Variants in MYT1L observed in about 807,000 individuals in gnomAD.
The protein encoded by MYT1L is myelin transcription factor 1-like protein.
MYT1L carries 12 observed loss-of-function variants against 126.7 expected under a neutral mutation model. The observed-to-expected ratio is 0.09, with a 90% CI of 0.06 to 0.15. The LOEUF (loss-of-function observed/expected upper bound fraction) is 0.15. Among genes scored for constraint, MYT1L ranks in the 10% least tolerant of loss-of-function variants. The pLI, the probability that MYT1L is intolerant of heterozygous loss-of-function variation, is 1.00. For missense variants in MYT1L, 979 were observed against 1,585.2 expected, an observed-to-expected ratio of 0.62 and a Z score of 6.49; for synonymous variants, 541 against 604.2, an observed-to-expected ratio of 0.90 and a Z score of 1.53.
At chr2:2,112,307 G>T (rs2079562563) in intron 3 of MYT1L, among the ~76,000 whole-genome samples, 3 of 152,220 alleles carry the variant, frequency 2.0e-5, no homozygotes, top group South Asian at 2.1e-4. Flanking sequence ...ACAAAACCAA[G>T]AAATAGTTTT....
At chr2:2,293,346 A>G (rs1176957521) in intron 1 of MYT1L, among the ~76,000 whole-genome samples, 2 of 152,230 alleles carry the variant, frequency 1.3e-5, no homozygotes, top group Admixed American at 6.5e-5. Flanking sequence ...AGGGCTTCAG[A>G]GCTCCGTCCC....
At chr2:1,999,291 G>T (rs1274369042) in intron 4 of MYT1L, among the ~76,000 whole-genome samples, 1 of 152,076 alleles carries the variant, frequency 6.6e-6, no homozygotes, top group Non-Finnish European at 1.5e-5. Context: ...GAAAATTCTG[G>T]CTCCCTACAT....
chr2:2,119,559 G>T (rs912647671), intron 3 of MYT1L, among the ~76,000 whole-genome samples: 4 of 152,152 alleles, frequency 2.6e-5, no homozygotes, highest in Non-Finnish European at 4.4e-5. Context: ...TTTTCCGTAA[G>T]AAAAAATTCA....
intron 22 of MYT1L, among the ~76,000 whole-genome samples, chr2:1,804,914 A>C (rs2035453981): frequency 6.6e-6 from 1 of 152,210 alleles, no homozygotes; most frequent in Admixed American, 6.5e-5. Context: ...GGAAAGAAAA[A>C]GCATTATCTT....
intron 3 of MYT1L, among the ~76,000 whole-genome samples, chr2:2,162,653 A>C (rs906830378): frequency 3.3e-5 from 5 of 152,208 alleles, no homozygotes; most frequent in African/African-American, 1.2e-4. Context: ...AATTTCTGGA[A>C]GACTCAGATT....
chr2:2,003,163 C>G (rs139519601), intron 4 of MYT1L, among the ~76,000 whole-genome samples: 7 of 152,152 alleles, frequency 4.6e-5, no homozygotes, highest in Non-Finnish European at 1.5e-5. Context: ...CCATTTCCCA[C>G]TTAGACTTGC....
chr2:2,234,761 C>T (rs1458990534), intron 2 of MYT1L, among the ~76,000 whole-genome samples: 3 of 152,236 alleles, frequency 2.0e-5, no homozygotes. Context: ...TGAAGTTCTA[C>T]TCACTGAGCT....
chr2:1,848,693 G>T lies in MYT1L; in HGVS notation c.2774+2948C>A, dbSNP rs1558746820. Among the ~76,000 whole-genome samples, 1 of 152,084 alleles carries T rather than the reference G, an allele frequency of 6.6e-6. No individual in the cohort carries two copies. The highest frequency in any genetic ancestry group is 1.5e-5 in the Non-Finnish European group (1 of 68,020). ...CAGACCTTTAAGAGTTTCCTTGTTT[G>T]CTTGTTGGCTTCTGTCTGTCTGCAG... On this transcript the variant is annotated intron_variant, in intron 19 of 24. Coordinates refer to ENST00000647738, the MANE Select transcript of MYT1L (RefSeq NM_001303052.2). This position sits in a 1 kb window ranked among gnomAD's most constrained non-coding sequence, Gnocchi z 4.8.
chr2:2,045,380 G>T (rs1431286968), intron 4 of MYT1L, among the ~76,000 whole-genome samples: 2 of 152,232 alleles, frequency 1.3e-5, no homozygotes, highest in Non-Finnish European at 2.9e-5. Context: ...CAGCAGGCCT[G>T]GTGGGAGAGG....
intron 23 of MYT1L, 64 bp from the exon 24 acceptor site, chr2:1,792,528 C>CG: frequency 6.5e-7 from 1 of 1,539,070 alleles, no homozygotes; most frequent in Non-Finnish European, 8.8e-7. Context: ...TGGTCGTTGC[C>CG]GGGGGCCACA....
rs1462038491 is a variant in MYT1L at position 1,801,946 on chromosome 2, C to T, written c.3173-147G>A. On this transcript the variant is annotated intron_variant, in intron 22 of 24. Transcript: ENST00000647738. This position sits in a 1 kb window ranked among gnomAD's most constrained non-coding sequence, Gnocchi z 4.2. ...TGAATTAGAAAGGAAAAAATCATCACAATCTCTGTGTCTTTCTATTCCCTA... is the reference window on the plus strand; with the variant it reads ...TGAATTAGAAAGGAAAAAATCATCATAATCTCTGTGTCTTTCTATTCCCTA... 6.8e-6 allele frequency: 4 copies of T among 588,416 alleles called. No homozygotes were observed. In the East Asian group the frequency reaches 1.2e-4, roughly 17 times the overall value. 36.4% of individuals were successfully genotyped at this position (588,416 alleles called of 1,614,324 possible).
chr2:2,246,345 T>A (rs995657367), intron 2 of MYT1L, among the ~76,000 whole-genome samples: 1 of 152,208 alleles, frequency 6.6e-6, no homozygotes, highest in Non-Finnish European at 1.5e-5. Context: ...TGCATATTTA[T>A]GCTTCAGACT....
intron 1 of MYT1L, among the ~76,000 whole-genome samples, chr2:2,292,937 T>A (rs1337253508): frequency 6.6e-6 from 1 of 152,170 alleles, no homozygotes; most frequent in Non-Finnish European, 1.5e-5. Flanking sequence ...CAAGGCACGC[T>A]CTTTTCCCTG....
At chr2:1,957,773 G>T (rs2149364599) in intron 8 of MYT1L, among the ~76,000 whole-genome samples, 1 of 150,556 alleles carries the variant, frequency 6.6e-6, no homozygotes. Flanking sequence ...ATTTCTCTCT[G>T]CTGATTCCTC....
rs557323643 is a variant in MYT1L, at chr2:2,141,242, G to A, written c.-304+31630C>T. ...TAATCATAAAAATACATGGTTGTGT[G>A]TAAATGGGATCCCACAGGTAAACCC... On this transcript the variant is annotated intron_variant, in intron 3 of 24. Coordinates refer to ENST00000647738, the MANE Select transcript of MYT1L (RefSeq NM_001303052.2). 2.6e-5 allele frequency among the ~76,000 whole-genome samples: 4 copies of A among 152,278 alleles called. No homozygotes were observed. In the South Asian group the frequency reaches 8.3e-4, roughly 32 times the overall value.
chr2:2,235,721 G>T (rs1316889819), intron 2 of MYT1L, among the ~76,000 whole-genome samples: 1 of 152,116 alleles, frequency 6.6e-6, no homozygotes, highest in East Asian at 1.9e-4. Context: ...TCACTGCCTT[G>T]GTCATGTACT....
intron 19 of MYT1L, 100 bp from the exon 20 acceptor site, chr2:1,840,943 A>G (rs1316177566): frequency 5.9e-5 from 47 of 790,830 alleles, no homozygotes; most frequent in Admixed American, 2.7e-4. Flanking sequence ...TCACTCTGTC[A>G]CCCAGGCTGA....
rs575557610 is a variant in MYT1L at position 2,163,605 on chromosome 2, G to A, written c.-304+9267C>T. On this transcript the variant is annotated intron_variant, in intron 3 of 24. Transcript: ENST00000647738. ...AAATTAGCGGGGTGCGGTGGCGGGC[G>A]CCTGTAGTCCCAGCTACTCGGGAGG... 3.2e-4 allele frequency among the ~76,000 whole-genome samples: 48 copies of A among 151,666 alleles called. 3 individuals are homozygous for A. The South Asian group carries it at 4.4e-3, about 14-fold the overall frequency.
At chr2:2,180,239 T>C (rs573441669) in intron 2 of MYT1L, among the ~76,000 whole-genome samples, 1 of 152,204 alleles carries the variant, frequency 6.6e-6, no homozygotes, top group Non-Finnish European at 1.5e-5. Context: ...AAGGAACTCA[T>C]GGCTCCTTGA....
Sources: gnomAD v4.1 joint callset for allele counts (sites outside exome capture counted in the v4.1 genomes callset) on GRCh38, gnomAD v4.1.1 for gene constraint, Gnocchi (gnomAD v3.1) non-coding constraint, MANE v1.5 for transcripts, NCBI Gene and HGNC (gene_info 2026-07-23, HGNC 2026-07-21) for gene names.